OSBPL3: variants seen among roughly 807,000 people sequenced by gnomAD.
OSBPL3 encodes the protein oxysterol binding protein like 3, also known as oxysterol-binding protein-related protein 3.
In OSBPL3, 65 loss-of-function variants were observed where a neutral mutation model predicts 120.1. That is an observed-to-expected ratio of 0.54 (90% CI 0.44 to 0.67). The LOEUF (loss-of-function observed/expected upper bound fraction) is 0.67, where lower values mean the gene tolerates loss of function less well. Ranked by LOEUF, OSBPL3 falls within the 30% of genes least tolerant of loss-of-function variation. The pLI is 0.00. For synonymous variants in OSBPL3, 416 were observed against 402.6 expected (o/e 1.03, Z -0.40); for missense variants, 1,004 against 1,082.1 (o/e 0.93, Z 1.01).
In OSBPL3 at chr7:24,855,202, C is replaced by T. The variant is rs1799685475; in HGVS notation, c.1028-2568G>A. On this transcript the variant is annotated intron_variant, in intron 10 of 22. Transcript: ENST00000313367. This position sits in a 1 kb window ranked among gnomAD's most constrained non-coding sequence, Gnocchi z 4.3. The stretch of plus-strand genomic sequence containing the variant: ...ATGCCCCTCCCCTGCCTGCCACACA[C>T]ACAGGATGCCCATGGCCATCTCAGT... 6.6e-6 allele frequency among the ~76,000 whole-genome samples: 1 copy of T among 152,160 alleles called. No individual in the cohort carries two copies. The highest frequency in any genetic ancestry group is 2.4e-5 in the African/African-American group (1 of 41,446).
intron 2 of OSBPL3, among the ~76,000 whole-genome samples, chr7:24,885,549 T>C (rs1044327135): frequency 3.9e-5 from 6 of 152,212 alleles, no homozygotes; most frequent in Admixed American, 6.5e-5. Flanking sequence ...TACCTAGCAA[T>C]AGATCTCTCC....
Position 24,971,131 on chromosome 7 carries a change from T to C in OSBPL3, c.-150+8755A>G, listed in dbSNP as rs543173903. On this transcript the variant is annotated intron_variant, in intron 1 of 22. Coordinates refer to ENST00000313367, the MANE Select transcript of OSBPL3 (RefSeq NM_015550.4). ...GGTACCACAGGAACTACATCCATCC[T>C]CTGATCCTCGGACTGCCAGTCCAGT... is the stretch of plus-strand genomic sequence containing the variant. Among the ~76,000 whole-genome samples the C allele has an allele frequency of 5.1e-4, 78 of 152,332 alleles. No homozygotes were observed. In the South Asian group the frequency reaches 0.012, roughly 24 times the overall value.
At chr7:24,845,384 T>TTAAAAAAAAAAAA (rs1798287457) in intron 12 of OSBPL3, among the ~76,000 whole-genome samples, 4 of 62,256 alleles carry the variant, frequency 6.4e-5, no homozygotes, top group Non-Finnish European at 8.3e-5. Flanking sequence ...GCAAAATAAG[T>TTAAAAAAAAAAAA]AAAAAAAAAA....
chr7:24,896,943 A>T lies in OSBPL3; in HGVS notation c.-149-4322T>A, dbSNP rs1462774971. Among the ~76,000 whole-genome samples, 1 of 152,032 alleles carries T rather than the reference A, an allele frequency of 6.6e-6. No homozygotes were observed. The highest frequency in any genetic ancestry group is 1.5e-5 in the Non-Finnish European group (1 of 67,998). ...CAAAATTAGCCGAGCATGGTGGTGC[A>T]TGCCTGTAGTCCCAGCTACTCAGGA... On this transcript the variant is annotated intron_variant, in intron 1 of 22. Transcript: ENST00000313367. This position sits in a 1 kb window ranked among gnomAD's most constrained non-coding sequence, Gnocchi z 4.4.
chr7:24,927,820 A>C (rs756043953), intron 1 of OSBPL3, among the ~76,000 whole-genome samples: 2 of 152,116 alleles, frequency 1.3e-5, no homozygotes, highest in Non-Finnish European at 2.9e-5. Context: ...TCACTACCCT[A>C]TCTCTTTTTG....
intron 16 of OSBPL3, among the ~76,000 whole-genome samples, chr7:24,828,047 T>C: frequency 6.6e-6 from 1 of 152,078 alleles, no homozygotes; most frequent in East Asian, 1.9e-4. Flanking sequence ...TTTTTTGAAA[T>C]GGAGTCTTGC....
chr7:24,865,324 C>A lies in OSBPL3; in HGVS notation c.673+18G>T, dbSNP rs200754893. On this transcript the variant is annotated intron_variant, in intron 7 of 22. Transcript: ENST00000313367. ...TCTAATAGCCACAACAGAAAGCAGACGTTTCAAGTCACTCTACCTTTGGAG... is the reference window on the plus strand; with the variant it reads ...TCTAATAGCCACAACAGAAAGCAGAAGTTTCAAGTCACTCTACCTTTGGAG... 1.9e-6 allele frequency: 3 copies of A among 1,612,614 alleles called. No homozygotes were observed. Among genetic ancestry groups the A allele is most frequent in the Non-Finnish European group, 1.7e-6 (2 of 1,179,244 alleles).
rs758628861 is a variant in OSBPL3 at position 24,834,669 on chromosome 7, C to T, written c.1563G>A (p.Pro521=). Residue 521 remains proline, a synonymous_variant, in exon 15 of 23, where the codon CCG becomes CCA. Transcript: ENST00000313367. This position sits in a 1 kb window ranked among gnomAD's most constrained non-coding sequence, Gnocchi z 5.2. ...RRRTCLPAPC[P]SSSNISLWNI... is the part of the protein sequence containing the mutation. The stretch of plus-strand genomic sequence containing the variant: ...TCCACAGGCTGATGTTACTGCTGCT[C>T]GGGCAGGGCGCCGGCAGGCACGTTC... 5.0e-5 allele frequency: 80 copies of T among 1,614,106 alleles called. No individual in the cohort carries two copies. The highest frequency in any genetic ancestry group is 1.8e-4 in the South Asian group (16 of 91,050).
At chr7:24,882,994 A>G (rs1803948946) in intron 2 of OSBPL3, among the ~76,000 whole-genome samples, 1 of 152,166 alleles carries the variant, frequency 6.6e-6, no homozygotes, top group Non-Finnish European at 1.5e-5. Flanking sequence ...TTGGAAGCAT[A>G]GTTTGCAAAT....
At chr7:24,864,791 T>C (rs1801071660) in intron 7 of OSBPL3, among the ~76,000 whole-genome samples, 2 of 152,192 alleles carry the variant, frequency 1.3e-5, no homozygotes, top group South Asian at 4.1e-4. Flanking sequence ...GAATGCTGAG[T>C]TTCCTTATGG....
At chr7:24,979,768 C>G (rs1328525075) in intron 1 of OSBPL3, 118 bp downstream of exon 1, 3 of 534,060 alleles carry the variant, frequency 5.6e-6, no homozygotes, top group Admixed American at 6.7e-5. Context: ...GCGACTCGGA[C>G]AGACCCCGGT....
In OSBPL3 at chr7:24,823,098, C is replaced by T. The variant is rs373711884; in HGVS notation, c.1885-2860G>A. On this transcript the variant is annotated intron_variant, in intron 16 of 22. Coordinates refer to ENST00000313367, the MANE Select transcript of OSBPL3 (RefSeq NM_015550.4). ...CATGTGCTGCACTAGTGTCCGGGAACGAGGGAAAGGTTTTTGTTGTTCCAT... is the reference window on the plus strand; with the variant it reads ...CATGTGCTGCACTAGTGTCCGGGAATGAGGGAAAGGTTTTTGTTGTTCCAT... 2.0e-5 allele frequency among the ~76,000 whole-genome samples: 3 copies of T among 152,194 alleles called. No individual in the cohort carries two copies. The East Asian group carries it at 5.8e-4, about 29-fold the overall frequency.
Position 24,947,506 on chromosome 7 carries a change from A to C in OSBPL3, c.-150+32380T>G, listed in dbSNP as rs1334552887. Among the ~76,000 whole-genome samples the C allele has an allele frequency of 1.3e-5, 2 of 152,194 alleles. No homozygotes were observed. Among genetic ancestry groups the C allele is most frequent in the Non-Finnish European group, 2.9e-5 (2 of 68,036 alleles). Reference sequence around the variant, plus strand: ...TGAAAGCTGCATATTTTTATTTCACAGAAACTACCTTTCCTCAGTCCCTAT... The same window carrying C: ...TGAAAGCTGCATATTTTTATTTCACCGAAACTACCTTTCCTCAGTCCCTAT... On this transcript the variant is annotated intron_variant, in intron 1 of 22. Coordinates refer to ENST00000313367, the MANE Select transcript of OSBPL3 (RefSeq NM_015550.4). This position sits in a 1 kb window ranked among gnomAD's most constrained non-coding sequence, Gnocchi z 4.4.
Position 24,932,943 on chromosome 7 carries a change from GC to G in OSBPL3, c.-149-40323del, listed in dbSNP as rs1811963708. 6.6e-6 allele frequency among the ~76,000 whole-genome samples: 1 copy of G among 152,228 alleles called. No individual in the cohort carries two copies. Among genetic ancestry groups the G allele is most frequent in the Non-Finnish European group, 1.5e-5 (1 of 68,034 alleles). ...CCCCCACTGTTCTGTAAGGCAGAAT[GC>G]CATGTTACAAACCAGTGAACCGTCT... On this transcript the variant is annotated intron_variant, in intron 1 of 22. Coordinates refer to ENST00000313367, the MANE Select transcript of OSBPL3 (RefSeq NM_015550.4). The surrounding 1 kb of genome is among the most constrained non-coding windows in gnomAD (Gnocchi z 5.6).
intron 1 of OSBPL3, among the ~76,000 whole-genome samples, chr7:24,903,604 T>G (rs918967340): frequency 6.6e-6 from 1 of 152,232 alleles, no homozygotes; most frequent in Admixed American, 6.5e-5. Context: ...GATATGTTGA[T>G]GAATACCTCA....
Position 24,917,428 on chromosome 7 carries a change from T to TATATATATATA in OSBPL3, c.-149-24808_-149-24807insTATATATATAT, listed in dbSNP as rs1562924930. Among the ~76,000 whole-genome samples the TATATATATATA allele has an allele frequency of 3.6e-3, 335 of 92,222 alleles. 7 individuals are homozygous for TATATATATATA. The highest frequency in any genetic ancestry group is 9.9e-3 in the East Asian group (34 of 3,428). The allele number at this position is 92,222 out of a possible 152,430, so 60.5% of individuals were successfully genotyped here. A position where few individuals can be genotyped will look rare whatever the true frequency, so the allele number is the denominator to read the frequency against. ...TATATATATATATATATATATATAT[T>TATATATATATA]TGTAACATATATATATATACACACA... On this transcript the variant is annotated intron_variant, in intron 1 of 22. Transcript: ENST00000313367.
Position 24,804,364 on chromosome 7 carries a change from G to A in OSBPL3, c.2518C>T (p.Arg840Trp), listed in dbSNP as rs1439834531. 1.2e-6 allele frequency: 2 copies of A among 1,613,908 alleles called. No individual in the cohort carries two copies. Among genetic ancestry groups the A allele is most frequent in the Non-Finnish European group, 1.7e-6 (2 of 1,179,930 alleles). Residue 840 changes from arginine (R) to tryptophan (W), a missense_variant, in exon 22 of 23, where the codon CGG (arginine) becomes TGG (tryptophan). Physicochemically the swap from Arg to Trp is moderately radical, Grantham distance 101 (BLOSUM62 -3). Around this residue, in one of 4 missense-constraint regions of OSBPL3, gnomAD observed 473 missense variants for 568.0 expected, o/e 0.83. Coordinates refer to ENST00000313367, the MANE Select transcript of OSBPL3 (RefSeq NM_015550.4). This position sits in a 1 kb window ranked among gnomAD's most constrained non-coding sequence, Gnocchi z 5.4. ...QRIEQLQRER[R>W]RVLEENHVEH... is the part of the protein sequence containing the mutation. ...ACATGATTTTCTTCTAAGACCCGCC[G>A]CCTTTCTCTCTGCAGTTGTTCAATC...
In OSBPL3 at chr7:24,827,134, T is replaced by C. The variant is rs957264101; in HGVS notation, c.1884+3634A>G. Among the ~76,000 whole-genome samples, 3 of 152,208 alleles carry C rather than the reference T, an allele frequency of 2.0e-5. No homozygotes were observed. The highest frequency in any genetic ancestry group is 4.8e-5 in the African/African-American group (2 of 41,456). On this transcript the variant is annotated intron_variant, in intron 16 of 22. Transcript: ENST00000313367. The surrounding 1 kb of genome is among the most constrained non-coding windows in gnomAD (Gnocchi z 5.1). Reference sequence around the variant, plus strand: ...TTCGGGGGGCTTGCCCAGTTTATTATACTAGTCATCCAGAAACCTGTACTC... The same window carrying C: ...TTCGGGGGGCTTGCCCAGTTTATTACACTAGTCATCCAGAAACCTGTACTC...
chr7:24,828,516 G>A (rs1392055321), intron 16 of OSBPL3, among the ~76,000 whole-genome samples: 5 of 150,220 alleles, frequency 3.3e-5, no homozygotes, highest in African/African-American at 7.3e-5. Context: ...GCTGAGGTGC[G>A]AGGATCACTT....
Sources: allele counts gnomAD v4.1 joint callset (sites outside exome capture counted in the v4.1 genomes callset), GRCh38; gene constraint gnomAD v4.1.1; regional missense constraint gnomAD v4.1.1; non-coding constraint Gnocchi (gnomAD v3.1); transcripts MANE v1.5; gene names NCBI Gene and HGNC (gene_info 2026-07-23, HGNC 2026-07-21).